The following PLEKHA6 variants were observed in gnomAD, a reference collection of about 807,000 sequenced individuals.
PLEKHA6 encodes pleckstrin homology domain-containing family A member 6.
A neutral mutation model predicts 116.7 loss-of-function variants in PLEKHA6; 60 were observed. The observed-to-expected ratio is 0.51, with a 90% CI of 0.42 to 0.64. The LOEUF is 0.64. Among genes scored for constraint, PLEKHA6 ranks in the 30% least tolerant of loss-of-function variants. The pLI, the probability that PLEKHA6 is intolerant of heterozygous loss-of-function variation, is 0.00. For missense variants in PLEKHA6, 1,338 were observed against 1,422.7 expected (o/e 0.94, Z 0.96); for synonymous variants, 489 against 556.1 (o/e 0.88, Z 1.70).
intron 1 of PLEKHA6, among the ~76,000 whole-genome samples, chr1:204,281,694 G>A (rs1310587009): frequency 6.6e-6 from 1 of 152,144 alleles, no homozygotes; most frequent in Non-Finnish European, 1.5e-5. Flanking sequence ...CTGTCACCCA[G>A]CCTTGTATTT....
intron 1 of PLEKHA6, among the ~76,000 whole-genome samples, chr1:204,328,372 G>A (rs1378708908): frequency 6.7e-6 from 1 of 149,316 alleles, no homozygotes; most frequent in Non-Finnish European, 1.5e-5. Context: ...GTGAGCCATT[G>A]CACCCAACCC....
intron 18 of PLEKHA6, 133 bp from the exon 19 acceptor site, chr1:204,229,237 A>G: frequency 1.2e-6 from 1 of 808,110 alleles, no homozygotes; most frequent in Non-Finnish European, 1.9e-6. Flanking sequence ...ACCATACCCC[A>G]CTGCAGAACT....
intron 1 of PLEKHA6, among the ~76,000 whole-genome samples, chr1:204,344,079 A>G (rs1205442535): frequency 6.6e-6 from 1 of 152,198 alleles, no homozygotes; most frequent in Non-Finnish European, 1.5e-5. Flanking sequence ...GCTTAAGCCC[A>G]GGAGTTTGAG....
intron 17 of PLEKHA6, among the ~76,000 whole-genome samples, chr1:204,236,208 G>A (rs1662027451): frequency 6.6e-6 from 1 of 152,230 alleles, no homozygotes; most frequent in South Asian, 2.1e-4. Flanking sequence ...TGCATTTAAT[G>A]TTGCAGCTCA....
At chr1:204,242,252 C>T (rs1189501301) in intron 15 of PLEKHA6, among the ~76,000 whole-genome samples, 1 of 152,120 alleles carries the variant, frequency 6.6e-6, no homozygotes, top group Non-Finnish European at 1.5e-5. Flanking sequence ...TGTGTGGGCT[C>T]ACAAAAACAT....
At chr1:204,315,002 A>T (rs2103191451) in intron 1 of PLEKHA6, among the ~76,000 whole-genome samples, 1 of 152,314 alleles carries the variant, frequency 6.6e-6, no homozygotes, top group East Asian at 1.9e-4. Context: ...ACACTCCTGC[A>T]CCACACCAAG....
chr1:204,281,758 T>G lies in PLEKHA6; in HGVS notation c.-94-6949A>C, dbSNP rs554319980. Among the ~76,000 whole-genome samples, 14 of 152,226 alleles carry G rather than the reference T, an allele frequency of 9.2e-5. No homozygotes were observed. In the East Asian group the frequency reaches 2.7e-3, roughly 29 times the overall value. ...CATCCCCCCTTTGATGCCACAGTTA[T>G]TTCCAAACTGTCAAGAAGATGGTAC... On this transcript the variant is annotated intron_variant, in intron 1 of 22. Transcript: ENST00000272203.
chr1:204,258,900 AG>A (rs1665716553), intron 8 of PLEKHA6, among the ~76,000 whole-genome samples: 1 of 152,204 alleles, frequency 6.6e-6, no homozygotes, highest in Non-Finnish European at 1.5e-5. Context: ...AGGATGTTGT[AG>A]GAGGGCCCAT....
intron 3 of PLEKHA6, among the ~76,000 whole-genome samples, chr1:204,272,439 C>T (rs1667563853): frequency 6.6e-6 from 1 of 152,138 alleles, no homozygotes; most frequent in Non-Finnish European, 1.5e-5. Context: ...TCCAGTCTTG[C>T]GTTACCTTCT....
intron 1 of PLEKHA6, among the ~76,000 whole-genome samples, chr1:204,317,937 T>C (rs1323337851): frequency 2.6e-5 from 4 of 152,352 alleles, no homozygotes; most frequent in African/African-American, 9.6e-5. Context: ...AGGACTGTAT[T>C]AGTCCATATT....
In PLEKHA6 at chr1:204,359,762, C is replaced by T. The variant is rs188616063; in HGVS notation, c.-163G>A. 3 of 915,374 alleles carry T rather than the reference C, an allele frequency of 3.3e-6. No homozygotes were observed. The highest frequency in any genetic ancestry group is 3.9e-6 in the Non-Finnish European group (3 of 765,652). 56.7% of individuals were successfully genotyped at this position (915,374 alleles called of 1,614,324 possible). On this transcript the variant is annotated 5_prime_UTR_variant, in exon 1 of 23. Coordinates refer to ENST00000272203, the MANE Select transcript of PLEKHA6 (RefSeq NM_014935.5). ...GCGAGCCCCAAGGCACCCCTCCCCC[C>T]AGCTCAGGCCAGCTGGGGTCCTCCT...
At chr1:204,322,104 C>T (rs574098687) in intron 1 of PLEKHA6, among the ~76,000 whole-genome samples, 1 of 152,364 alleles carries the variant, frequency 6.6e-6, no homozygotes, top group Non-Finnish European at 1.5e-5. Context: ...TGGCAAAAAT[C>T]TTTGTTACTC....
intron 9 of PLEKHA6, chr1:204,256,915 G>A (rs1665382219): frequency 1.6e-6 from 1 of 614,074 alleles, no homozygotes; most frequent in African/African-American, 1.8e-5. Flanking sequence ...TCGCAGAGGT[G>A]AGGGGTCTGG....
chr1:204,229,189 C>A, intron 18 of PLEKHA6, 85 bp from the exon 19 acceptor site: 1 of 1,340,006 alleles, frequency 7.5e-7, no homozygotes, highest in South Asian at 1.3e-5. Flanking sequence ...GCTTTCCCTT[C>A]CCAGCTCGCC....
At chr1:204,373,504 C>T (rs1673814198) in intron 1 of PLEKHA6, among the ~76,000 whole-genome samples, 1 of 152,140 alleles carries the variant, frequency 6.6e-6, no homozygotes, top group Non-Finnish European at 1.5e-5. Context: ...ACAGTGTGAA[C>T]CACAGCACCC....
chr1:204,327,322 C>T (rs547251819), intron 1 of PLEKHA6, among the ~76,000 whole-genome samples: 100 of 152,336 alleles, frequency 6.6e-4, no homozygotes, highest in African/African-American at 2.3e-3. Flanking sequence ...TGATTTATCC[C>T]CAGCTCCATT....
At chr1:204,371,523 TC>T (rs1558205922) in intron 2 of PLEKHA6, 1 of 152,290 alleles carries the variant, frequency 6.6e-6, no homozygotes, top group Non-Finnish European at 1.5e-5. Flanking sequence ...ACAGACAGGT[TC>T]CTTACCTGGG....
Position 204,257,866 on chromosome 1 carries a change from G to A in PLEKHA6, c.1011C>T (p.Pro337=), listed in dbSNP as rs965161883. Reference sequence around the variant, plus strand: ...TGCGAGACACAGGATAGAACCTAGAGGGACTGAGAGAGAGGGGACATTGTA... The same window carrying A: ...TGCGAGACACAGGATAGAACCTAGAAGGACTGAGAGAGAGGGGACATTGTA... The part of the protein sequence containing the change: ...GVPPPEDLRS[P]SRFYPVSRRV... Residue 337 remains proline (P), a synonymous_variant, in exon 9 of 23, where the codon CCC becomes CCT. Coordinates refer to ENST00000272203, the MANE Select transcript of PLEKHA6 (RefSeq NM_014935.5). The surrounding 1 kb of genome is among the most constrained non-coding windows in gnomAD (Gnocchi z 6.5). 9 of 1,598,850 alleles carry A rather than the reference G, an allele frequency of 5.6e-6. No homozygotes were observed. In the Admixed American group the frequency reaches 1.3e-4, roughly 24 times the overall value.
intron 1 of PLEKHA6, among the ~76,000 whole-genome samples, chr1:204,354,347 G>A (rs1379625955): frequency 6.6e-6 from 1 of 152,206 alleles, no homozygotes; most frequent in East Asian, 1.9e-4. Context: ...AATTCACACG[G>A]TGAGGACCAA....
Sources: allele counts gnomAD v4.1 joint callset (sites outside exome capture counted in the v4.1 genomes callset), GRCh38; gene constraint gnomAD v4.1.1; non-coding constraint Gnocchi (gnomAD v3.1); transcripts MANE v1.5; gene names NCBI Gene and HGNC (gene_info 2026-07-23, HGNC 2026-07-21).